RNF157: variants seen among roughly 807,000 people sequenced by gnomAD.
RNF157 encodes E3 ubiquitin ligase RNF157.
RNF157 carries 55 observed loss-of-function variants against 88.3 expected under a neutral mutation model. That is an observed-to-expected ratio of 0.62 (90% CI 0.50 to 0.78). RNF157 has a LOEUF of 0.78. RNF157 is among the 30% of genes least tolerant of loss of function. The pLI, the probability that RNF157 is intolerant of heterozygous loss-of-function variation, is 0.00. For synonymous variants in RNF157, 334 were observed against 341.2 expected (o/e 0.98, Z 0.23); for missense variants, 788 against 860.8 (o/e 0.92, Z 1.06).
At chr17:76,184,856 C>T (rs1404882049) in intron 2 of RNF157, among the ~76,000 whole-genome samples, 1 of 152,224 alleles carries the variant, frequency 6.6e-6, no homozygotes, top group African/African-American at 2.4e-5. Context: ...TCTTCGAACT[C>T]CTCTGCTAGG....
At chr17:76,210,048 G>A (rs982699902) in intron 2 of RNF157, among the ~76,000 whole-genome samples, 2 of 152,058 alleles carry the variant, frequency 1.3e-5, no homozygotes, top group Admixed American at 6.6e-5. Context: ...ATGAGTCACC[G>A]TGCCCAGCAG....
rs2068561882 is a variant in RNF157, at chr17:76,144,898, A to AGCCTTCTT, written c.*329_*336dup. ...TTTGTAACAAAGCTGCCAAACTCTA[A>AGCCTTCTT]GCCTTCTTGTTCTACCCCCTAAGGA... On this transcript the variant is annotated 3_prime_UTR_variant, in exon 19 of 19. Transcript: ENST00000269391. The AGCCTTCTT allele has an allele frequency of 4.5e-6, 1 of 223,526 alleles. No individual in the cohort carries two copies. Among genetic ancestry groups the AGCCTTCTT allele is most frequent in the Non-Finnish European group, 8.8e-6 (1 of 114,138 alleles). The allele number at this position is 223,526 out of a possible 1,614,324, so 13.8% of individuals were successfully genotyped here.
intron 1 of RNF157, 45 bp from the exon 2 acceptor site, chr17:76,212,527 C>A: frequency 8.4e-7 from 1 of 1,187,856 alleles, no homozygotes; most frequent in Non-Finnish European, 1.2e-6. Flanking sequence ...AGAAAACAGT[C>A]AACCTAAATC....
Position 76,240,320 on chromosome 17 carries a change from CCCGGTGCGGGGGCCGACTGCCCGCCGCGG to C in RNF157, c.-109_-81del. 1.5e-6 allele frequency: 1 copy of C among 686,088 alleles called. No homozygotes were observed. Among genetic ancestry groups the C allele is most frequent in the Non-Finnish European group, 1.8e-6 (1 of 559,082 alleles). The allele number at this position is 686,088 out of a possible 1,614,324, so 42.5% of individuals were successfully genotyped here. On this transcript the variant is annotated 5_prime_UTR_variant, in exon 1 of 19. It removes the in-frame stop codon of an upstream open reading frame in the 5' UTR. Coordinates refer to ENST00000269391, the MANE Select transcript of RNF157 (RefSeq NM_052916.3). This position sits in a 1 kb window ranked among gnomAD's most constrained non-coding sequence, Gnocchi z 4.4. ...CTTCACCGCGGCCGCCCGCCCCGCG[CCCGGTGCGGGGGCCGACTGCCCGCCGCGG>C]CCGGCTCCGCTGCGGCGCTGCGGCT... is the stretch of plus-strand genomic sequence containing the variant.
At chr17:76,191,268 G>C (rs1023456753) in intron 2 of RNF157, among the ~76,000 whole-genome samples, 1 of 151,942 alleles carries the variant, frequency 6.6e-6, no homozygotes, top group Non-Finnish European at 1.5e-5. Context: ...TGGAGCCCAG[G>C]AGTTCAAGAT....
intron 2 of RNF157, among the ~76,000 whole-genome samples, chr17:76,200,611 T>C (rs1399992922): frequency 6.6e-6 from 1 of 152,102 alleles, no homozygotes; most frequent in African/African-American, 2.4e-5. Flanking sequence ...AGTTTCAGTT[T>C]TGTGAGATGA....
At chr17:76,230,032 G>C (rs1244561223) in intron 1 of RNF157, among the ~76,000 whole-genome samples, 1 of 152,120 alleles carries the variant, frequency 6.6e-6, no homozygotes, top group East Asian at 1.9e-4. Context: ...CAAATCATTA[G>C]TAAAATCCAT....
intron 18 of RNF157, among the ~76,000 whole-genome samples, chr17:76,152,052 C>G (rs538088092): frequency 1.2e-4 from 18 of 152,170 alleles, no homozygotes; most frequent in Non-Finnish European, 1.9e-4. Context: ...GACTGGGCCA[C>G]CTGACATGGT....
intron 2 of RNF157, among the ~76,000 whole-genome samples, chr17:76,199,432 A>AT (rs1298701635): frequency 1.3e-5 from 2 of 151,700 alleles, no homozygotes; most frequent in Non-Finnish European, 1.5e-5. Context: ...AATTTCCTTT[A>AT]TTTTTTGTAG....
chr17:76,184,290 C>G (rs1381923024), intron 2 of RNF157, among the ~76,000 whole-genome samples: 3 of 151,756 alleles, frequency 2.0e-5, no homozygotes, highest in African/African-American at 4.8e-5. Context: ...GAAACCAACA[C>G]CTGGGGTCAT....
At chr17:76,196,166 C>T (rs1346597842) in intron 2 of RNF157, among the ~76,000 whole-genome samples, 5 of 152,232 alleles carry the variant, frequency 3.3e-5, no homozygotes, top group Non-Finnish European at 7.3e-5. Context: ...TGTTTTCTTC[C>T]ACCACTGGCT....
chr17:76,166,402 C>T, intron 6 of RNF157, 59 bp downstream of exon 6: 2 of 1,416,392 alleles, frequency 1.4e-6, no homozygotes, highest in Non-Finnish European at 2.0e-6. Context: ...CAGCTGCTGC[C>T]AGGAATATGC....
chr17:76,200,034 G>A (rs1456558722), intron 2 of RNF157, among the ~76,000 whole-genome samples: 2 of 151,824 alleles, frequency 1.3e-5, no homozygotes, highest in Admixed American at 6.6e-5. Flanking sequence ...TCAGGAGATC[G>A]AGACCATCCT....
rs184253399 is a variant in RNF157 at position 76,143,182 on chromosome 17, T to C, written c.*2053A>G. 2.0e-5 allele frequency: 3 copies of C among 152,406 alleles called. No individual in the cohort carries two copies. The highest frequency in any genetic ancestry group is 4.4e-5 in the Non-Finnish European group (3 of 68,074). 9.4% of individuals were successfully genotyped at this position (152,406 alleles called of 1,614,324 possible). ...GGACATTTCTAACCTAGGTATGCCTTGGACATGGGACTGAGGCCTTGAGGA... is the reference window on the plus strand; with the variant it reads ...GGACATTTCTAACCTAGGTATGCCTCGGACATGGGACTGAGGCCTTGAGGA... On this transcript the variant is annotated 3_prime_UTR_variant, in exon 19 of 19. Transcript: ENST00000269391.
chr17:76,233,121 C>T (rs1274067520), intron 1 of RNF157, among the ~76,000 whole-genome samples: 1 of 152,064 alleles, frequency 6.6e-6, no homozygotes, highest in African/African-American at 2.4e-5. Flanking sequence ...AGGGTTTCAC[C>T]ATGTTAGCCA....
chr17:76,172,805 A>C (rs1412405626), intron 3 of RNF157, among the ~76,000 whole-genome samples: 1 of 152,008 alleles, frequency 6.6e-6, no homozygotes, highest in Non-Finnish European at 1.5e-5. Flanking sequence ...AGAGAATCAG[A>C]CAGCCTTGGT....
intron 3 of RNF157, among the ~76,000 whole-genome samples, chr17:76,172,229 G>A (rs1403673247): frequency 6.6e-6 from 1 of 152,188 alleles, no homozygotes; most frequent in Non-Finnish European, 1.5e-5. Flanking sequence ...TGGGAGGACT[G>A]CTTGAGCCCG....
intron 1 of RNF157, among the ~76,000 whole-genome samples, chr17:76,222,972 G>C (rs2070012211): frequency 6.6e-6 from 1 of 151,540 alleles, no homozygotes. Context: ...CTCACTGCAA[G>C]CTCCGCCTCC....
intron 2 of RNF157, among the ~76,000 whole-genome samples, chr17:76,184,189 TAAAAA>T (rs542969861): frequency 9.0e-6 from 1 of 110,814 alleles, no homozygotes; most frequent in Non-Finnish European, 1.9e-5. Flanking sequence ...AGACTCCATC[TAAAAA>T]AAAAAAAAAA....
Sources: gnomAD v4.1 joint callset for allele counts (sites outside exome capture counted in the v4.1 genomes callset) on GRCh38, gnomAD v4.1.1 for gene constraint, Gnocchi (gnomAD v3.1) non-coding constraint, MANE v1.5 for transcripts, NCBI Gene and HGNC (gene_info 2026-07-23, HGNC 2026-07-21) for gene names.